PHF24: variants seen among roughly 807,000 people sequenced by gnomAD.
PHF24 encodes the protein PHD finger protein 24, also known as Galpha inhibitory interacting protein.
A neutral mutation model predicts 42.6 loss-of-function variants in PHF24; 25 were observed. The ratio of observed to expected loss-of-function variants is 0.59; its 90% CI spans 0.43 to 0.82. The LOEUF (loss-of-function observed/expected upper bound fraction) is 0.82, where lower values mean the gene tolerates loss of function less well. Among genes scored for constraint, PHF24 ranks in the 40% least tolerant of loss-of-function variants. PHF24 has a pLI of 0.00. For missense variants in PHF24, 470 were observed against 538.1 expected (o/e 0.87, Z 1.25); for synonymous variants, 185 against 204.8 (o/e 0.90, Z 0.83).
chr9:34,674,652 C>T, the PHF24 span, among the ~76,000 whole-genome samples: 1 of 152,238 alleles, frequency 6.6e-6, no homozygotes, highest in African/African-American at 2.4e-5. Context: ...ATGGGGAAGA[C>T]ATATTATGTT....
chr9:34,786,777 TAAGA>T, the PHF24 span, among the ~76,000 whole-genome samples: 1 of 152,216 alleles, frequency 6.6e-6, no homozygotes, highest in Non-Finnish European at 1.5e-5. Context: ...TCAGTGTACC[TAAGA>T]GCTGCTGAGA....
At chr9:34,728,964 A>G in the PHF24 span, among the ~76,000 whole-genome samples, 3 of 152,200 alleles carry the variant, frequency 2.0e-5, no homozygotes, top group South Asian at 6.2e-4. Context: ...GGTTCTAACA[A>G]CCAAAGGACT....
exon 8 of PHF24, chr9:34,981,535 A>T (rs1827390125): frequency 6.6e-6 from 1 of 152,190 alleles, no homozygotes. Context: ...CCCCAGAGCC[A>T]AGAGAAACTT....
chr9:34,700,839 G>A, the PHF24 span, among the ~76,000 whole-genome samples: 3 of 152,164 alleles, frequency 2.0e-5, no homozygotes, highest in African/African-American at 7.2e-5. Context: ...CAGTCAGGGT[G>A]TTCCGAAGGT....
At chr9:34,677,389 G>GTTTTTT in the PHF24 span, among the ~76,000 whole-genome samples, 572 of 79,714 alleles carry the variant, frequency 7.2e-3, 54 homozygotes, top group Non-Finnish European at 9.5e-3. Flanking sequence ...TTTGTAAACT[G>GTTTTTT]TTTTTTTTTT....
At chr9:34,900,159 A>T in the PHF24 span, among the ~76,000 whole-genome samples, 1 of 152,108 alleles carries the variant, frequency 6.6e-6, no homozygotes, top group Non-Finnish European at 1.5e-5. Flanking sequence ...AAACACCATC[A>T]CTCTGAGGTG....
At chr9:34,924,806 T>C in the PHF24 span, among the ~76,000 whole-genome samples, 1 of 152,186 alleles carries the variant, frequency 6.6e-6, no homozygotes, top group African/African-American at 2.4e-5. Context: ...ACTGCTGCCA[T>C]TTTGTTATTT....
At chr9:34,725,847 A>T in the PHF24 span, 11 of 1,551,670 alleles carry the variant, frequency 7.1e-6, no homozygotes, top group Non-Finnish European at 9.6e-6. Flanking sequence ...GGATCCTTCA[A>T]GGGGGGCTTG....
the PHF24 span, among the ~76,000 whole-genome samples, chr9:34,909,113 G>A: frequency 3.9e-5 from 6 of 152,092 alleles, no homozygotes; most frequent in South Asian, 2.1e-4. Context: ...CTCCCAAAGC[G>A]CTGGGATTAC....
the PHF24 span, among the ~76,000 whole-genome samples, chr9:34,807,343 TC>T: frequency 1.3e-5 from 2 of 152,168 alleles, no homozygotes; most frequent in African/African-American, 4.8e-5. Flanking sequence ...GTCAACAGCC[TC>T]CCACCTATTC....
the PHF24 span, among the ~76,000 whole-genome samples, chr9:34,716,421 G>A: frequency 6.6e-6 from 1 of 152,106 alleles, no homozygotes; most frequent in Non-Finnish European, 1.5e-5. Flanking sequence ...GGTTGGAGTA[G>A]GGCACTGCTT....
the PHF24 span, among the ~76,000 whole-genome samples, chr9:34,839,995 C>G: frequency 1.3e-5 from 2 of 152,008 alleles, no homozygotes. Flanking sequence ...CGCAGAACCC[C>G]AAGGAATGTG....
chr9:34,807,337 A>G, the PHF24 span, among the ~76,000 whole-genome samples: 1 of 152,230 alleles, frequency 6.6e-6, no homozygotes, highest in African/African-American at 2.4e-5. Flanking sequence ...CACTAAGTCA[A>G]CAGCCTCCCA....
At chr9:34,724,485 C>A in the PHF24 span, 1 of 1,551,818 alleles carries the variant, frequency 6.4e-7, no homozygotes, top group Non-Finnish European at 8.7e-7. Context: ...TCTGGTGCTG[C>A]AACAGTTTGT....
the PHF24 span, among the ~76,000 whole-genome samples, chr9:34,789,748 T>C: frequency 7.9e-5 from 12 of 152,054 alleles, no homozygotes; most frequent in African/African-American, 2.4e-4. Flanking sequence ...AAAGAAAATA[T>C]CTATTTAGGA....
intron 1 of PHF24, among the ~76,000 whole-genome samples, chr9:34,964,218 C>T (rs1034043286): frequency 4.6e-5 from 7 of 152,148 alleles, no homozygotes; most frequent in African/African-American, 1.7e-4. Context: ...AAGCCCTAAC[C>T]TCCAGGCAGC....
the PHF24 span, among the ~76,000 whole-genome samples, chr9:34,732,524 C>G: frequency 6.6e-6 from 1 of 151,996 alleles, no homozygotes; most frequent in Non-Finnish European, 1.5e-5. Flanking sequence ...ATCCCTTGTC[C>G]AGATGAATAG....
chr9:34,862,373 T>A, the PHF24 span, among the ~76,000 whole-genome samples: 14 of 152,152 alleles, frequency 9.2e-5, no homozygotes, highest in East Asian at 2.7e-3. Flanking sequence ...CAGCACGATT[T>A]GTGGCTCCAA....
chr9:34,863,415 CAGAGAGAGAG>C, the PHF24 span, among the ~76,000 whole-genome samples: 17,923 of 146,158 alleles, frequency 0.12, 1,272 homozygotes, highest in South Asian at 0.2. Context: ...GCTGGCTCAT[CAGAGAGAGAG>C]AGAGAGAGAG....
Sources: gnomAD v4.1 joint callset for allele counts (sites outside exome capture counted in the v4.1 genomes callset) on GRCh38, gnomAD v4.1.1 for gene constraint, MANE v1.5 for transcripts, NCBI Gene and HGNC (gene_info 2026-07-23, HGNC 2026-07-21) for gene names.